Variants in GALNT13 observed in about 807,000 individuals in gnomAD.
The protein encoded by GALNT13 is polypeptide N-acetylgalactosaminyltransferase 13, also known as UDP-GalNAc:polypeptide N-acetylgalactosaminyltransferase 13.
Under a neutral mutation model 64.2 loss-of-function variants are expected in GALNT13, and 28 were observed. The observed-to-expected ratio is 0.44, with a 90% CI of 0.32 to 0.60. The LOEUF (loss-of-function observed/expected upper bound fraction) is 0.60. Ranked by LOEUF, GALNT13 falls within the 20% of genes least tolerant of loss-of-function variation. The pLI is 0.05. For missense variants in GALNT13, 577 were observed against 669.8 expected, an observed-to-expected ratio of 0.86 and a Z score of 1.53; for synonymous variants, 214 against 224.6, an observed-to-expected ratio of 0.95 and a Z score of 0.42.
intron 4 of GALNT13, among the ~76,000 whole-genome samples, chr2:154,225,225 A>G (rs1320085958): frequency 6.6e-6 from 1 of 151,884 alleles, no homozygotes; most frequent in Non-Finnish European, 1.5e-5. Flanking sequence ...GAGAAAATTG[A>G]CGTTTCACAC....
At chr2:153,254,861 C>T in the GALNT13 span, among the ~76,000 whole-genome samples, 1 of 152,078 alleles carries the variant, frequency 6.6e-6, no homozygotes, top group Non-Finnish European at 1.5e-5. Context: ...TGTTCTTTTA[C>T]ATTTGCTGAG....
chr2:154,344,886 A>G (rs902096744), intron 9 of GALNT13, among the ~76,000 whole-genome samples: 1 of 151,984 alleles, frequency 6.6e-6, no homozygotes, highest in Non-Finnish European at 1.5e-5. Flanking sequence ...TTAACTGGTA[A>G]TTGTTGATGG....
the GALNT13 span, among the ~76,000 whole-genome samples, chr2:153,769,017 A>G: frequency 1.3e-5 from 2 of 152,210 alleles, no homozygotes; most frequent in East Asian, 3.9e-4. Flanking sequence ...TCTCTTGTAT[A>G]CAGAAAATGG....
At chr2:153,606,382 A>G in the GALNT13 span, among the ~76,000 whole-genome samples, 2 of 152,104 alleles carry the variant, frequency 1.3e-5, no homozygotes, top group Non-Finnish European at 2.9e-5. Flanking sequence ...AATAAACCCT[A>G]AACAAAGATT....
At chr2:153,824,925 C>G in the GALNT13 span, among the ~76,000 whole-genome samples, 1 of 152,152 alleles carries the variant, frequency 6.6e-6, no homozygotes, top group Admixed American at 6.6e-5. Context: ...GTCTCCCCAG[C>G]CATGCCTTCC....
At chr2:153,518,263 C>T in the GALNT13 span, among the ~76,000 whole-genome samples, 1 of 152,076 alleles carries the variant, frequency 6.6e-6, no homozygotes, top group East Asian at 1.9e-4. Flanking sequence ...TAGCCCTTAT[C>T]ATAATGAAAG....
chr2:154,319,352 G>A (rs979954036), intron 9 of GALNT13, among the ~76,000 whole-genome samples: 5 of 152,044 alleles, frequency 3.3e-5, no homozygotes, highest in African/African-American at 1.2e-4. Context: ...GGAAGAATTG[G>A]CTAGCATTCC....
chr2:154,264,197 GA>G (rs1338847168), intron 8 of GALNT13, among the ~76,000 whole-genome samples: 1 of 152,178 alleles, frequency 6.6e-6, no homozygotes, highest in African/African-American at 2.4e-5. Context: ...AGAACCTTCA[GA>G]AAAGGTTAGA....
the GALNT13 span, among the ~76,000 whole-genome samples, chr2:153,742,028 T>C: frequency 6.6e-6 from 1 of 152,264 alleles, no homozygotes; most frequent in Middle Eastern, 3.4e-3. Flanking sequence ...GTACAAGATG[T>C]GATTATTAAC....
chr2:153,100,854 C>G, the GALNT13 span, among the ~76,000 whole-genome samples: 1 of 152,050 alleles, frequency 6.6e-6, no homozygotes, highest in African/African-American at 2.4e-5. Context: ...CATGGTGAAA[C>G]CCCATCTCTA....
At chr2:153,718,833 G>A in the GALNT13 span, among the ~76,000 whole-genome samples, 1 of 152,100 alleles carries the variant, frequency 6.6e-6, no homozygotes, top group African/African-American at 2.4e-5. Flanking sequence ...AAATTAGAAG[G>A]CATTTTAGAA....
At chr2:153,648,638 C>T in the GALNT13 span, among the ~76,000 whole-genome samples, 70 of 152,156 alleles carry the variant, frequency 4.6e-4, 1 homozygote, top group African/African-American at 1.6e-3. Flanking sequence ...GAGATACGTC[C>T]CATCAATACC....
At chr2:153,289,090 G>A in the GALNT13 span, among the ~76,000 whole-genome samples, 24 of 152,250 alleles carry the variant, frequency 1.6e-4, no homozygotes, top group East Asian at 1.7e-3. Context: ...TTTACCATAA[G>A]TGTATGTTCA....
chr2:153,349,114 T>C, the GALNT13 span, among the ~76,000 whole-genome samples: 1 of 152,292 alleles, frequency 6.6e-6, no homozygotes, highest in Non-Finnish European at 1.5e-5. Context: ...AGGAAAAAGA[T>C]GGAGCTTCAT....
the GALNT13 span, among the ~76,000 whole-genome samples, chr2:153,686,370 T>G: frequency 6.6e-6 from 1 of 152,074 alleles, no homozygotes; most frequent in South Asian, 2.1e-4. Flanking sequence ...ACCTCCCTAG[T>G]TAGCTGTATT....
intron 8 of GALNT13, among the ~76,000 whole-genome samples, chr2:154,268,953 T>C (rs1448547241): frequency 6.6e-6 from 1 of 152,130 alleles, no homozygotes; most frequent in African/African-American, 2.4e-5. Flanking sequence ...CGAATTTACT[T>C]CAAGTACCCC....
intron 4 of GALNT13, among the ~76,000 whole-genome samples, chr2:154,185,363 C>A (rs1057303845): frequency 6.6e-6 from 1 of 151,914 alleles, no homozygotes; most frequent in Admixed American, 6.6e-5. Context: ...ATTCTTTGGG[C>A]TTTATCAACC....
intron 9 of GALNT13, among the ~76,000 whole-genome samples, chr2:154,318,634 A>C (rs1424590272): frequency 6.6e-6 from 1 of 151,864 alleles, no homozygotes; most frequent in Non-Finnish European, 1.5e-5. Context: ...CTGAGGCAGG[A>C]GAATTGCTTG....
intron 11 of GALNT13, among the ~76,000 whole-genome samples, chr2:154,428,260 A>G (rs1700554183): frequency 6.6e-6 from 1 of 152,190 alleles, no homozygotes; most frequent in African/African-American, 2.4e-5. Flanking sequence ...GACCTCCGTC[A>G]CTAAGCAGCT....
Sources: allele counts gnomAD v4.1 joint callset (sites outside exome capture counted in the v4.1 genomes callset), GRCh38; gene constraint gnomAD v4.1.1; transcripts MANE v1.5; gene names NCBI Gene and HGNC (gene_info 2026-07-23, HGNC 2026-07-21).